CNTN5: variants seen among roughly 807,000 people sequenced by gnomAD.
CNTN5 encodes contactin 5.
A neutral mutation model predicts 129.1 loss-of-function variants in CNTN5; 77 were observed. The ratio of observed to expected loss-of-function variants is 0.60; its 90% CI spans 0.50 to 0.72. CNTN5 has a LOEUF of 0.72. Among genes scored for constraint, CNTN5 ranks in the 30% least tolerant of loss-of-function variants. The pLI is 0.00. For missense variants in CNTN5, 1,478 were observed against 1,328.8 expected (o/e 1.11, Z -1.75); for synonymous variants, 509 against 465.6 (o/e 1.09, Z -1.20).
intron 13 of CNTN5, among the ~76,000 whole-genome samples, chr11:100,189,908 G>A (rs994726765): frequency 2.0e-5 from 3 of 151,644 alleles, no homozygotes; most frequent in Non-Finnish European, 4.4e-5. Context: ...GATCCATATT[G>A]GAAACCATAT....
At chr11:99,837,851 AAC>A (rs1565588492) in intron 4 of CNTN5, among the ~76,000 whole-genome samples, 2 of 152,108 alleles carry the variant, frequency 1.3e-5, no homozygotes, top group African/African-American at 4.8e-5. Flanking sequence ...GTTATATAGA[AAC>A]AGCTTTGTTT....
intron 1 of CNTN5, among the ~76,000 whole-genome samples, chr11:99,288,952 G>C (rs1166217089): frequency 2.6e-5 from 4 of 151,668 alleles, no homozygotes; most frequent in African/African-American, 9.7e-5. Context: ...TGTGTATTTG[G>C]TTCCTAGATC....
intron 3 of CNTN5, among the ~76,000 whole-genome samples, chr11:99,613,422 C>T (rs966187128): frequency 1.3e-5 from 2 of 152,156 alleles, no homozygotes; most frequent in Admixed American, 6.6e-5. Context: ...GCCTCCCCAG[C>T]CGTGCTGAAC....
rs902116194 is a variant in CNTN5 at position 99,550,098 on chromosome 11, A to G, written c.-70-6047A>G. On this transcript the variant is annotated intron_variant, in intron 2 of 24. Transcript: ENST00000524871. Reference sequence around the variant, plus strand: ...TTCACTATGCCTCACGGTGTTTAACACACTATAGAAAATCATGTTAAAAAG... The same window carrying G: ...TTCACTATGCCTCACGGTGTTTAACGCACTATAGAAAATCATGTTAAAAAG... Among the ~76,000 whole-genome samples the G allele has an allele frequency of 4.6e-5, 7 of 152,288 alleles. No homozygotes were observed. In the East Asian group the frequency reaches 1.4e-3, roughly 29 times the overall value.
intron 1 of CNTN5, among the ~76,000 whole-genome samples, chr11:99,269,809 A>G (rs2510681): frequency 0.54 from 82,262 of 151,460 alleles, 22,620 homozygotes; most frequent in East Asian, 0.74. Flanking sequence ...TTAGAGGAAA[A>G]CAATCCCACA....
At chr11:99,514,820 G>A (rs1377846575) in intron 2 of CNTN5, among the ~76,000 whole-genome samples, 1 of 151,998 alleles carries the variant, frequency 6.6e-6, no homozygotes, top group Non-Finnish European at 1.5e-5. Flanking sequence ...CAGTAGTCAA[G>A]AATTGAACTT....
At chr11:99,748,442 G>A (rs766663736) in intron 3 of CNTN5, among the ~76,000 whole-genome samples, 7 of 152,014 alleles carry the variant, frequency 4.6e-5, no homozygotes, top group East Asian at 3.9e-4. Flanking sequence ...GAGAGACAGC[G>A]TGTTAAAAAG....
intron 1 of CNTN5, among the ~76,000 whole-genome samples, chr11:99,206,617 C>G (rs552700702): frequency 0.018 from 2,156 of 116,960 alleles, 40 homozygotes; most frequent in African/African-American, 0.061. Flanking sequence ...TTCTTACCCA[C>G]TTACTACTAC....
chr11:99,659,977 G>A (rs1375298201), intron 3 of CNTN5, among the ~76,000 whole-genome samples: 1 of 152,022 alleles, frequency 6.6e-6, no homozygotes, highest in East Asian at 1.9e-4. Context: ...AAGGTGCAAA[G>A]GCAACTGAGC....
chr11:99,184,106 A>T (rs563038796), intron 1 of CNTN5, among the ~76,000 whole-genome samples: 1 of 152,054 alleles, frequency 6.6e-6, no homozygotes, highest in African/African-American at 2.4e-5. Context: ...CCTAATCTCA[A>T]TTTTTTAACT....
chr11:99,673,200 G>T (rs895454152), intron 3 of CNTN5, among the ~76,000 whole-genome samples: 1 of 152,168 alleles, frequency 6.6e-6, no homozygotes, highest in East Asian at 1.9e-4. Flanking sequence ...TCAGAGAGAG[G>T]ATGGACATTT....
chr11:99,934,867 T>C (rs1950271709), intron 7 of CNTN5, among the ~76,000 whole-genome samples: 2 of 86,520 alleles, frequency 2.3e-5, no homozygotes. Context: ...AGAGTGAGAC[T>C]CAGTCTGTGT....
intron 2 of CNTN5, among the ~76,000 whole-genome samples, chr11:99,344,437 A>T (rs1157535984): frequency 6.6e-6 from 1 of 152,164 alleles, no homozygotes; most frequent in African/African-American, 2.4e-5. Flanking sequence ...ATTTTTTAAA[A>T]ATCCTGATCT....
intron 13 of CNTN5, among the ~76,000 whole-genome samples, chr11:100,093,107 T>C (rs182334657): frequency 1.3e-5 from 2 of 152,124 alleles, no homozygotes; most frequent in East Asian, 3.9e-4. Context: ...TGATCCGCCA[T>C]ACATGTTCTG....
At chr11:99,876,040 T>G (rs992516658) in intron 6 of CNTN5, among the ~76,000 whole-genome samples, 2 of 152,076 alleles carry the variant, frequency 1.3e-5, no homozygotes, top group Non-Finnish European at 2.9e-5. Context: ...GAATAATGAG[T>G]GAAATACTAC....
intron 2 of CNTN5, among the ~76,000 whole-genome samples, chr11:99,451,516 T>C (rs1201732081): frequency 6.6e-6 from 1 of 152,134 alleles, no homozygotes; most frequent in Admixed American, 6.5e-5. Context: ...AAATGGAAAA[T>C]ATGTAGTATT....
At chr11:100,160,452 G>A (rs751545082) in intron 13 of CNTN5, among the ~76,000 whole-genome samples, 10 of 151,808 alleles carry the variant, frequency 6.6e-5, no homozygotes, top group African/African-American at 1.2e-4. Context: ...GGGATTGCTC[G>A]GACAAATCAC....
At chr11:100,048,459 G>A (rs887515253) in intron 9 of CNTN5, among the ~76,000 whole-genome samples, 7 of 151,938 alleles carry the variant, frequency 4.6e-5, no homozygotes, top group Non-Finnish European at 7.4e-5. Context: ...TCTATCTCTT[G>A]TTGATTCTGT....
At chr11:99,082,516 A>C (rs1203455702) in intron 1 of CNTN5, among the ~76,000 whole-genome samples, 4 of 152,130 alleles carry the variant, frequency 2.6e-5, no homozygotes. Flanking sequence ...TTTCTGGGAG[A>C]ACCACTGCCT....
Sources: gnomAD v4.1 joint callset for allele counts (sites outside exome capture counted in the v4.1 genomes callset) on GRCh38, gnomAD v4.1.1 for gene constraint, MANE v1.5 for transcripts, NCBI Gene and HGNC (gene_info 2026-07-23, HGNC 2026-07-21) for gene names.